Variants in MMP26 observed in about 807,000 individuals in gnomAD.
The protein encoded by MMP26 is matrix metallopeptidase 26, also known as matrix metalloproteinase-26.
MMP26 carries 33 observed loss-of-function variants against 31.0 expected under a neutral mutation model. The observed-to-expected ratio is 1.06, with a 90% CI of 0.81 to 1.42. The LOEUF (loss-of-function observed/expected upper bound fraction) is 1.42. Among genes scored for constraint, MMP26 ranks in the 40% most tolerant of loss-of-function variants. The pLI is 0.00. For missense variants in MMP26, 347 were observed against 316.1 expected (o/e 1.10, Z -0.74); for synonymous variants, 122 against 114.9 (o/e 1.06, Z -0.40).
At chr11:4,935,827 G>C (rs1851431773) in intron 2 of MMP26, among the ~76,000 whole-genome samples, 2 of 151,522 alleles carry the variant, frequency 1.3e-5, no homozygotes, top group Admixed American at 1.3e-4. Flanking sequence ...TGCATCTATT[G>C]AGATAATCAT....
At position 4,835,256 on chromosome 11, in the gene MMP26, G is replaced by T. The variant is rs1447410945; in HGVS notation, c.-145+67915G>T. Among the ~76,000 whole-genome samples, 3 of 140,186 alleles carry T rather than the reference G, an allele frequency of 2.1e-5. No individual in the cohort carries two copies. In the East Asian group the frequency reaches 5.9e-4, roughly 28 times the overall value. The allele number at this position is 140,186 out of a possible 152,430, so 92.0% of individuals were successfully genotyped here. A position where few individuals can be genotyped will look rare whatever the true frequency, so the allele number is the denominator to read the frequency against. ...CACATACACACACGAGTAACATTCTGGTTGCTATCCTGGAGAGCTTTGTTT... is the reference window on the plus strand; with the variant it reads ...CACATACACACACGAGTAACATTCTTGTTGCTATCCTGGAGAGCTTTGTTT... On this transcript the variant is annotated intron_variant, in intron 2 of 7. Coordinates refer to ENST00000380390, the MANE Select transcript of MMP26 (RefSeq NM_021801.5).
At chr11:4,879,339 C>T (rs1390160285) in intron 2 of MMP26, among the ~76,000 whole-genome samples, 1 of 152,076 alleles carries the variant, frequency 6.6e-6, no homozygotes, top group Admixed American at 6.6e-5. Flanking sequence ...GAAGCTTAAA[C>T]CATATGTGGG....
At chr11:4,981,772 T>C (rs1388031712) in intron 2 of MMP26, among the ~76,000 whole-genome samples, 6 of 152,032 alleles carry the variant, frequency 3.9e-5, no homozygotes, top group African/African-American at 1.2e-4. Flanking sequence ...TGTAAAAAAT[T>C]TTTTCTTTAT....
chr11:4,832,956 C>A (rs1849666591), intron 2 of MMP26: 1 of 161,536 alleles, frequency 6.2e-6, no homozygotes, highest in Non-Finnish European at 1.4e-5. Context: ...AGCTATGATT[C>A]TGATAGCAGA....
intron 1 of MMP26, among the ~76,000 whole-genome samples, chr11:4,718,061 G>C (rs4562822): frequency 6.6e-6 from 1 of 152,086 alleles, no homozygotes; most frequent in African/African-American, 2.4e-5. Context: ...CGAATAGACT[G>C]TATGCTTGTC....
At chr11:4,970,178 C>G (rs1216851331) in intron 2 of MMP26, among the ~76,000 whole-genome samples, 1 of 152,104 alleles carries the variant, frequency 6.6e-6, no homozygotes, top group Non-Finnish European at 1.5e-5. Flanking sequence ...TAGTTCTTAT[C>G]TTTAATACAA....
chr11:4,734,576 C>T lies in MMP26; in HGVS notation c.-217+29531C>T, dbSNP rs993819034. On this transcript the variant is annotated intron_variant, in intron 1 of 7. Transcript: ENST00000380390. Reference sequence around the variant, plus strand: ...GCTTCATCCCACAGGTTTTGGTACGCGGCGTCTTCACTTTCATTAATCTCA... The same window carrying T: ...GCTTCATCCCACAGGTTTTGGTACGTGGCGTCTTCACTTTCATTAATCTCA... Among the ~76,000 whole-genome samples, 14 of 152,176 alleles carry T rather than the reference C, an allele frequency of 9.2e-5. No homozygotes were observed. In the East Asian group the frequency reaches 2.1e-3, roughly 23 times the overall value.
At chr11:4,992,191 G>GTTTTTTTTTT in intron 7 of MMP26, 23 bp from the exon 8 acceptor site, 1 of 1,493,748 alleles carries the variant, frequency 6.7e-7, no homozygotes, top group Non-Finnish European at 9.1e-7. Flanking sequence ...ATTTACTGTT[G>GTTTTTTTTTT]TTTTTTTTTT....
chr11:4,822,306 T>C, intron 2 of MMP26: 3 of 1,522,968 alleles, frequency 2.0e-6, no homozygotes, highest in Non-Finnish European at 2.6e-6. Context: ...TTATTTACAG[T>C]GTAAAGATTA....
chr11:4,818,538 A>G (rs1397125802), intron 2 of MMP26, among the ~76,000 whole-genome samples: 2 of 152,032 alleles, frequency 1.3e-5, no homozygotes, highest in Non-Finnish European at 2.9e-5. Context: ...TTTATTTTTA[A>G]CTCATTCATT....
chr11:4,896,716 A>T (rs529313599), intron 2 of MMP26, among the ~76,000 whole-genome samples: 1 of 152,344 alleles, frequency 6.6e-6, no homozygotes, highest in South Asian at 2.1e-4. Context: ...TAATTTACAC[A>T]TGGTAAGATG....
chr11:4,782,339 T>C (rs1564908411), intron 2 of MMP26, among the ~76,000 whole-genome samples: 1 of 152,212 alleles, frequency 6.6e-6, no homozygotes, highest in South Asian at 2.1e-4. Flanking sequence ...ACTCTTGTTA[T>C]GTTTTAGCAA....
At position 4,941,428 on chromosome 11, in the gene MMP26, C is replaced by T. The variant is rs375525725; in HGVS notation, c.-144-46640C>T. ...GAAATCTTTGTAAGTCTTCCTACCT[C>T]TGTAAATACACAAACACATACGGGT... On this transcript the variant is annotated intron_variant, in intron 2 of 7. Transcript: ENST00000380390. 1.4e-4 allele frequency among the ~76,000 whole-genome samples: 22 copies of T among 152,306 alleles called. No homozygotes were observed. In the Middle Eastern group the frequency reaches 0.014, roughly 94 times the overall value.
chr11:4,859,659 A>G (rs1376018241), intron 2 of MMP26: 3 of 464,632 alleles, frequency 6.5e-6, no homozygotes, highest in African/African-American at 4.0e-5. Context: ...TCATTCTTCA[A>G]ATTTGCTTGG....
At chr11:4,768,856 AT>A (rs1564904908) in intron 2 of MMP26, 3 of 516,764 alleles carry the variant, frequency 5.8e-6, no homozygotes, top group East Asian at 5.7e-5. Context: ...CATATTTACT[AT>A]TTGTTTGGTG....
In MMP26 at chr11:4,766,873, G is replaced by A. The variant is rs560210118; in HGVS notation, c.-216-397G>A. Among the ~76,000 whole-genome samples, 528 of 151,870 alleles carry A rather than the reference G, an allele frequency of 3.5e-3. 9 individuals carry two copies. Among genetic ancestry groups the A allele is most frequent in the East Asian group, 3.1e-3 (16 of 5,168 alleles). Reference sequence around the variant, plus strand: ...CTGTGCTATCGGTTCGGAATATTGCGATGAGTGCTTATTGTGATAATGTTA... The same window carrying A: ...CTGTGCTATCGGTTCGGAATATTGCAATGAGTGCTTATTGTGATAATGTTA... On this transcript the variant is annotated intron_variant, in intron 1 of 7. Transcript: ENST00000380390.
At chr11:4,795,568 C>A (rs563671856) in intron 2 of MMP26, among the ~76,000 whole-genome samples, 31 of 152,130 alleles carry the variant, frequency 2.0e-4, no homozygotes, top group African/African-American at 7.5e-4. Context: ...CAATCACAAG[C>A]CGAAATTTAT....
intron 2 of MMP26, chr11:4,882,300 A>T: frequency 6.2e-7 from 1 of 1,613,946 alleles, no homozygotes; most frequent in South Asian, 1.1e-5. Context: ...CCACTGAACT[A>T]TGCTACTATC....
chr11:4,872,995 C>T (rs1043390634), intron 2 of MMP26, among the ~76,000 whole-genome samples: 1 of 152,048 alleles, frequency 6.6e-6, no homozygotes, highest in Non-Finnish European at 1.5e-5. Context: ...TCTTGCTTTC[C>T]ATGTGTTCTT....
Sources: allele counts gnomAD v4.1 joint callset (sites outside exome capture counted in the v4.1 genomes callset), GRCh38; gene constraint gnomAD v4.1.1; transcripts MANE v1.5; gene names NCBI Gene and HGNC (gene_info 2026-07-23, HGNC 2026-07-21).